Variants in MALRD1 observed in about 807,000 individuals in gnomAD.
MALRD1 encodes MAM and LDL receptor class A domain containing 1.
In MALRD1, 247 loss-of-function variants were observed where a neutral mutation model predicts 242.1. The ratio of observed to expected loss-of-function variants is 1.02; its 90% CI spans 0.92 to 1.13. The LOEUF (loss-of-function observed/expected upper bound fraction) is 1.13, where lower values mean the gene tolerates loss of function less well. MALRD1 is among the 50% of genes most tolerant of loss of function. The pLI is 0.00. For missense variants in MALRD1, 2,989 were observed against 2,533.1 expected, an observed-to-expected ratio of 1.18 and a Z score of -3.86; for synonymous variants, 995 against 866.6, an observed-to-expected ratio of 1.15 and a Z score of -2.60.
At chr10:19,694,488 G>A (rs1392126883) in intron 38 of MALRD1, among the ~76,000 whole-genome samples, 2 of 152,148 alleles carry the variant, frequency 1.3e-5, no homozygotes, top group Non-Finnish European at 2.9e-5. Context: ...ATCATCACTG[G>A]CCATCAGAGA....
At chr10:19,144,699 A>T (rs1259916798) in intron 10 of MALRD1, among the ~76,000 whole-genome samples, 2 of 152,220 alleles carry the variant, frequency 1.3e-5, no homozygotes, top group Admixed American at 1.3e-4. Flanking sequence ...AGGCTTCGGA[A>T]TATGAGCTTT....
rs137932672 is a variant in MALRD1, at chr10:19,221,506, C to G, written c.2991+11826C>G. 2.7e-3 allele frequency among the ~76,000 whole-genome samples: 413 copies of G among 152,198 alleles called. 3 individuals carry two copies. The highest frequency in any genetic ancestry group is 9.5e-3 in the African/African-American group (396 of 41,510). ...TAGATTTCTCATCTACCATCTTGAGCTGAATTTAAAATGTAACGGCAGTTT... is the reference window on the plus strand; with the variant it reads ...TAGATTTCTCATCTACCATCTTGAGGTGAATTTAAAATGTAACGGCAGTTT... On this transcript the variant is annotated intron_variant, in intron 18 of 39. Transcript: ENST00000454679.
intron 29 of MALRD1, among the ~76,000 whole-genome samples, chr10:19,454,366 G>T (rs545990722): frequency 5.2e-5 from 7 of 134,790 alleles, no homozygotes; most frequent in African/African-American, 1.7e-4. Flanking sequence ...TTTGAGAATT[G>T]GTTGTGAGTA....
intron 2 of MALRD1, among the ~76,000 whole-genome samples, chr10:19,077,691 G>A (rs938085653): frequency 4.6e-5 from 7 of 151,820 alleles, no homozygotes; most frequent in African/African-American, 1.7e-4. Context: ...TACTTAATAG[G>A]TATTGTAGAG....
chr10:19,142,002 C>A (rs928550091), intron 10 of MALRD1, among the ~76,000 whole-genome samples: 1 of 151,626 alleles, frequency 6.6e-6, no homozygotes, highest in African/African-American at 2.4e-5. Context: ...GAAACCCCAT[C>A]TCTACTAAAA....
intron 33 of MALRD1, among the ~76,000 whole-genome samples, chr10:19,591,300 A>G (rs1242213023): frequency 1.3e-5 from 2 of 152,236 alleles, no homozygotes; most frequent in African/African-American, 4.8e-5. Flanking sequence ...ATCAGCTCCA[A>G]TATCTAAAGA....
At chr10:19,183,323 G>T (rs1835597360) in intron 14 of MALRD1, among the ~76,000 whole-genome samples, 1 of 151,708 alleles carries the variant, frequency 6.6e-6, no homozygotes, top group Non-Finnish European at 1.5e-5. Context: ...CAGCAAAAAG[G>T]TTTGAAGGAA....
intron 36 of MALRD1, among the ~76,000 whole-genome samples, chr10:19,628,155 T>C (rs1396675079): frequency 6.6e-6 from 1 of 152,180 alleles, no homozygotes; most frequent in Non-Finnish European, 1.5e-5. Flanking sequence ...TATGAGACTA[T>C]AGAAACACTG....
intron 36 of MALRD1, among the ~76,000 whole-genome samples, chr10:19,673,842 T>G (rs546749660): frequency 4.0e-5 from 6 of 151,826 alleles, no homozygotes; most frequent in African/African-American, 1.4e-4. Context: ...TTTTAATATA[T>G]GTACATAATA....
Position 19,123,250 on chromosome 10 carries a change from A to C in MALRD1, c.695-242A>C, listed in dbSNP as rs531230080. On this transcript the variant is annotated intron_variant, in intron 5 of 39. Transcript: ENST00000454679. ...ATGGAGATATGATTAAAATTCTGAA[A>C]CATTGGCATAGTTGTTTTGTTCTGT... Among the ~76,000 whole-genome samples, 65 of 152,140 alleles carry C rather than the reference A, an allele frequency of 4.3e-4. No homozygotes were observed. In the East Asian group the frequency reaches 4.4e-3, roughly 10 times the overall value.
chr10:19,386,152 C>A (rs1369571616), intron 26 of MALRD1, among the ~76,000 whole-genome samples: 1 of 152,084 alleles, frequency 6.6e-6, no homozygotes, highest in East Asian at 1.9e-4. Context: ...ACTCTCTTCC[C>A]TCTTGACCAT....
At chr10:19,104,526 A>AATTTTT (rs1564394022) in intron 5 of MALRD1, among the ~76,000 whole-genome samples, 1 of 152,072 alleles carries the variant, frequency 6.6e-6, no homozygotes, top group African/African-American at 2.4e-5. Context: ...ATCAGATATA[A>AATTTTT]ATTTTTATTT....
At chr10:19,366,458 C>T (rs573676078) in intron 26 of MALRD1, among the ~76,000 whole-genome samples, 11 of 152,256 alleles carry the variant, frequency 7.2e-5, no homozygotes, top group African/African-American at 2.6e-4. Context: ...CGCTGCTCAC[C>T]TCCTGCTATT....
At chr10:19,165,441 T>G (rs1834648194) in intron 12 of MALRD1, among the ~76,000 whole-genome samples, 196 bp from the exon 13 acceptor site, 1 of 151,622 alleles carries the variant, frequency 6.6e-6, no homozygotes, top group African/African-American at 2.4e-5. Flanking sequence ...TAGCTGGGAT[T>G]ACACGCATGC....
At chr10:19,193,445 A>T (rs956571504) in intron 14 of MALRD1, among the ~76,000 whole-genome samples, 4 of 152,128 alleles carry the variant, frequency 2.6e-5, no homozygotes, top group African/African-American at 9.7e-5. Context: ...AGTCCCAGCT[A>T]CTCAGAGGCT....
At position 19,444,573 on chromosome 10, in the gene MALRD1, G is replaced by C. The variant is rs900865729; in HGVS notation, c.4846-5734G>C. Among the ~76,000 whole-genome samples the C allele has an allele frequency of 6.6e-5, 10 of 152,184 alleles. No individual in the cohort carries two copies. In the South Asian group the frequency reaches 8.3e-4, roughly 13 times the overall value. On this transcript the variant is annotated intron_variant, in intron 28 of 39. Coordinates refer to ENST00000454679, the MANE Select transcript of MALRD1 (RefSeq NM_001142308.3). The stretch of plus-strand genomic sequence containing the variant: ...ATTTCTCTTTCACTTATGAAGCTTA[G>C]TTTGGCTGGATATGAAATTCTGGGT...
intron 38 of MALRD1, among the ~76,000 whole-genome samples, chr10:19,701,464 CCT>C (rs1265948410): frequency 6.6e-6 from 1 of 151,990 alleles, no homozygotes; most frequent in African/African-American, 2.4e-5. Context: ...TTTGTCATTT[CCT>C]CTTTCTCATA....
intron 13 of MALRD1, among the ~76,000 whole-genome samples, chr10:19,171,936 TATA>T (rs1213278158): frequency 7.5e-6 from 1 of 132,874 alleles, no homozygotes; most frequent in Non-Finnish European, 1.6e-5. Context: ...ATGTGATATA[TATA>T]TCATATAATA....
At chr10:19,155,721 C>T (rs547736190) in intron 12 of MALRD1, among the ~76,000 whole-genome samples, 52 of 152,078 alleles carry the variant, frequency 3.4e-4, no homozygotes, top group African/African-American at 1.2e-3. Flanking sequence ...CCTTTTGAGA[C>T]GCAGTGTCTA....
Sources: gnomAD v4.1 joint callset for allele counts (sites outside exome capture counted in the v4.1 genomes callset) on GRCh38, gnomAD v4.1.1 for gene constraint, MANE v1.5 for transcripts, NCBI Gene and HGNC (gene_info 2026-07-23, HGNC 2026-07-21) for gene names.